The following ABHD5 variants were observed in gnomAD, a reference collection of about 807,000 sequenced individuals.
ABHD5 encodes abhydrolase domain containing 5, lysophosphatidic acid acyltransferase.
A neutral mutation model predicts 44.9 loss-of-function variants in ABHD5; 30 were observed. That is an observed-to-expected ratio of 0.67 (90% CI 0.50 to 0.91). The LOEUF is 0.91. ABHD5 is among the 40% of genes least tolerant of loss of function. The probability of loss-of-function intolerance (pLI) is 0.00; values close to 1 mark genes in which losing one functional copy is unlikely to be tolerated. For missense variants in ABHD5, 399 were observed against 423.4 expected (o/e 0.94, Z 0.50); for synonymous variants, 167 against 147.0 (o/e 1.14, Z -0.99).
intron 3 of ABHD5, among the ~76,000 whole-genome samples, chr3:43,711,250 A>T (rs1355486431): frequency 6.6e-6 from 1 of 152,208 alleles, no homozygotes; most frequent in Non-Finnish European, 1.5e-5. Flanking sequence ...TGGTTGATTC[A>T]TAGGAGATAA....
intron 1 of ABHD5, among the ~76,000 whole-genome samples, chr3:43,693,315 G>A (rs1201446829): frequency 6.6e-6 from 1 of 152,096 alleles, no homozygotes; most frequent in Non-Finnish European, 1.5e-5. Context: ...TTTACACCAC[G>A]GAAATCATCA....
rs897943679 is a variant in ABHD5 at position 43,722,049 on chromosome 3, T to C, written c.*3517T>C. The C allele has an allele frequency of 3.3e-5, 5 of 152,314 alleles. No individual in the cohort carries two copies. The highest frequency in any genetic ancestry group is 1.2e-4 in the African/African-American group (5 of 41,566). The allele number at this position is 152,314 out of a possible 1,614,324, so 9.4% of individuals were successfully genotyped here. On this transcript the variant is annotated 3_prime_UTR_variant, in exon 7 of 7. Coordinates refer to ENST00000644371, the MANE Select transcript of ABHD5 (RefSeq NM_016006.6). ...TTGTTAACTAGCAAAGTTAAATGAG[T>C]ATATCCTTCAACCTGGCAGACCCAG...
intron 1 of ABHD5, among the ~76,000 whole-genome samples, chr3:43,693,464 C>T (rs2084428146): frequency 6.6e-6 from 1 of 152,276 alleles, no homozygotes; most frequent in Non-Finnish European, 1.5e-5. Context: ...ATTTCTCTAT[C>T]TAATCTTTTT....
At chr3:43,695,791 ATCTC>A (rs1168347263) in intron 1 of ABHD5, among the ~76,000 whole-genome samples, 1 of 152,208 alleles carries the variant, frequency 6.6e-6, no homozygotes, top group Non-Finnish European at 1.5e-5. Flanking sequence ...AGTGGTGTCT[ATCTC>A]TCACTCAGGA....
At chr3:43,726,759 G>A (rs2084880701), downstream of ABHD5, among the ~76,000 whole-genome samples, 1 of 152,204 alleles carries the variant, frequency 6.6e-6, no homozygotes, top group East Asian at 1.9e-4. Context: ...AGTCATCAAG[G>A]CTGCTTGTTG....
In ABHD5 at chr3:43,691,017, G is replaced by A; in HGVS notation, c.25G>A (p.Asp9Asn). Residue 9 changes from aspartate to asparagine, a missense_variant, in exon 1 of 7, where the codon GAC becomes AAC. By Grantham distance (23) the Asp-to-Asn change is conservative. Transcript: ENST00000644371. MAAEEEEV[D>N]SADTGERSGW... ...TATGGCGGCGGAGGAGGAGGAGGTG[G>A]ACTCTGCCGACACCGGAGAGAGGTA... 6.4e-7 allele frequency: 1 copy of A among 1,565,996 alleles called. No homozygotes were observed. Among genetic ancestry groups the A allele is most frequent in the Middle Eastern group, 1.7e-4 (1 of 5,910 alleles).
intron 5 of ABHD5, among the ~76,000 whole-genome samples, chr3:43,717,174 C>CA (rs1347707335): frequency 1.1e-4 from 15 of 134,284 alleles, no homozygotes; most frequent in East Asian, 6.5e-4. Context: ...GACTCCATCT[C>CA]AAAAAAAACA....
At chr3:43,695,035 C>T (rs1055483797) in intron 1 of ABHD5, 1 of 152,910 alleles carries the variant, frequency 6.5e-6, no homozygotes, top group African/African-American at 2.4e-5. Context: ...ATTCCACCCC[C>T]CCAAGGTTGC....
intron 4 of ABHD5, among the ~76,000 whole-genome samples, chr3:43,713,819 G>A (rs1368032584): frequency 1.3e-5 from 2 of 152,192 alleles, no homozygotes; most frequent in African/African-American, 4.8e-5. Flanking sequence ...ACACCTAGGA[G>A]AGGCTCTTTA....
chr3:43,712,138 T>TA (rs1188893655), intron 4 of ABHD5, among the ~76,000 whole-genome samples: 1 of 152,078 alleles, frequency 6.6e-6, no homozygotes, highest in Non-Finnish European at 1.5e-5. Context: ...CTCAACACTC[T>TA]AAAAAAAGCC....
At chr3:43,691,131 G>C in intron 1 of ABHD5, 92 bp downstream of exon 1, 3 of 1,271,498 alleles carry the variant, frequency 2.4e-6, no homozygotes, top group Non-Finnish European at 3.0e-6. Flanking sequence ...CCAAGGAGTC[G>C]CCGCCCGCCT....
rs1402263304 is a variant in ABHD5 at position 43,711,742 on chromosome 3, T to C, written c.540T>C (p.Gly180=). 1.2e-6 allele frequency: 2 copies of C among 1,614,086 alleles called. No individual in the cohort carries two copies. Among genetic ancestry groups the C allele is most frequent in the Non-Finnish European group, 1.7e-6 (2 of 1,180,024 alleles). The change falls in exon 4 of 7, where the codon GGT becomes GGC. Residue 180 remains glycine, a synonymous_variant. Transcript: ENST00000644371. ...ATCTCATTTTAGTGGAGCCTTGGGG[T>C]TTCCCTGAACGACCAGACCTTGCTG... ...VNHLILVEPW[G]FPERPDLADQ...
chr3:43,690,895 C>A (rs886058486), upstream of ABHD5: 7 of 1,332,534 alleles, frequency 5.3e-6, no homozygotes, highest in South Asian at 4.5e-5. Context: ...CATGCGCTGG[C>A]GGCCTGCGCC....
intron 3 of ABHD5, 120 bp downstream of exon 3, chr3:43,702,707 C>A: frequency 7.2e-7 from 1 of 1,385,462 alleles, no homozygotes; most frequent in African/African-American, 1.4e-5. Flanking sequence ...TTAAAGGACC[C>A]TATAGACCAC....
chr3:43,705,253 T>C (rs1331690004), intron 3 of ABHD5, among the ~76,000 whole-genome samples: 4 of 152,224 alleles, frequency 2.6e-5, no homozygotes, highest in Non-Finnish European at 4.4e-5. Context: ...ATGTCATATC[T>C]TTCTAATTTA....
chr3:43,699,411 C>A (rs2084512465), intron 2 of ABHD5, 50 bp downstream of exon 2: 2 of 1,471,510 alleles, frequency 1.4e-6, no homozygotes, highest in Non-Finnish European at 1.9e-6. Flanking sequence ...AAGATAGGTC[C>A]AATATATCTC....
intron 1 of ABHD5, among the ~76,000 whole-genome samples, chr3:43,696,939 G>C (rs925700318): frequency 6.6e-6 from 1 of 152,156 alleles, no homozygotes; most frequent in African/African-American, 2.4e-5. Context: ...AAATGCTTCT[G>C]TGAAAACCTG....
chr3:43,716,545 AGG>A (rs2084765221), intron 5 of ABHD5, among the ~76,000 whole-genome samples: 1 of 152,134 alleles, frequency 6.6e-6, no homozygotes, highest in Admixed American at 6.5e-5. Context: ...AGCTATTTAT[AGG>A]TAGCTGTAGC....
Position 43,730,499 on chromosome 3 carries a change from CTTTTTTTT to C in ABHD5, c.*30-3364_*30-3357del, listed in dbSNP as rs68058215. Among the ~76,000 whole-genome samples the C allele has an allele frequency of 2.8e-4, 19 of 68,988 alleles. No individual in the cohort carries two copies. In the Admixed American group the frequency reaches 2.9e-3, roughly 10 times the overall value. The allele number at this position is 68,988 out of a possible 152,430, so 45.3% of individuals were successfully genotyped here. On this transcript the variant is annotated intron_variant, in intron 7 of 7. Transcript: ENST00000454293. ...TTTAATGGAGAATAGAAAATAATCC[CTTTTTTTT>C]TTTTTTTTTTTTTTTTGAGACGGGA...
Sources: allele counts gnomAD v4.1 joint callset (sites outside exome capture counted in the v4.1 genomes callset), GRCh38; gene constraint gnomAD v4.1.1; transcripts MANE v1.5; gene names NCBI Gene and HGNC (gene_info 2026-07-23, HGNC 2026-07-21).